The following MEF2C variants were observed in gnomAD, a reference collection of about 807,000 sequenced individuals.
MEF2C encodes myocyte-specific enhancer factor 2C.
MEF2C carries 6 observed loss-of-function variants against 50.5 expected under a neutral mutation model. The observed-to-expected ratio is 0.12, with a 90% CI of 0.07 to 0.23. The LOEUF is 0.23. Ranked by LOEUF, MEF2C falls within the 10% of genes least tolerant of loss-of-function variation. MEF2C has a pLI of 1.00. For synonymous variants in MEF2C, 183 were observed against 228.0 expected (o/e 0.80, Z 1.78); for missense variants, 276 against 605.0 (o/e 0.46, Z 5.70).
At chr5:88,761,413 G>A (rs898231409) in intron 3 of MEF2C, 85 bp from the exon 4 acceptor site, 26 of 1,457,374 alleles carry the variant, frequency 1.8e-5, no homozygotes, top group Non-Finnish European at 2.3e-5. Flanking sequence ...AAGCTGTCCA[G>A]TATTTCAGGT....
intron 5 of MEF2C, chr5:88,751,276 A>G: frequency 7.1e-6 from 7 of 985,456 alleles, no homozygotes; most frequent in Non-Finnish European, 7.2e-6. Context: ...GCAGAGACAA[A>G]TTTGTGGCAG....
intron 1 of MEF2C, among the ~76,000 whole-genome samples, chr5:88,889,919 C>T (rs1582011901): frequency 1.3e-5 from 2 of 152,172 alleles, no homozygotes; most frequent in Admixed American, 1.3e-4. Context: ...AAAGCGCTGG[C>T]ACACGGTCCA....
At chr5:88,788,502 G>A (rs1580721245) in intron 3 of MEF2C, among the ~76,000 whole-genome samples, 1 of 151,752 alleles carries the variant, frequency 6.6e-6, no homozygotes, top group African/African-American at 2.4e-5. Context: ...GAGCCACCTC[G>A]GCCAGCCCAT....
At chr5:88,829,397 G>A (rs371130043) in intron 1 of MEF2C, among the ~76,000 whole-genome samples, 2 of 151,876 alleles carry the variant, frequency 1.3e-5, no homozygotes, top group East Asian at 1.9e-4. Context: ...TGCAGCACTC[G>A]CAGCAATTGA....
In MEF2C at chr5:88,722,583, A is replaced by G; in HGVS notation, c.*21T>C. ...ACACACACTGCAAGAAAAAAAAAAA[A>G]ACTAGTAAGTAATAATCTGATCATG... On this transcript the variant is annotated 3_prime_UTR_variant, in exon 11 of 11. Transcript: ENST00000504921. 1 of 1,582,576 alleles carries G rather than the reference A, an allele frequency of 6.3e-7. No individual in the cohort carries two copies. Among genetic ancestry groups the G allele is most frequent in the South Asian group, 1.1e-5 (1 of 88,162 alleles).
In MEF2C at chr5:88,717,336, C is replaced by A. The variant is rs548703340; in HGVS notation, c.*5268G>T. On this transcript the variant is annotated 3_prime_UTR_variant, in exon 11 of 11. Coordinates refer to ENST00000504921, the MANE Select transcript of MEF2C (RefSeq NM_002397.5). ...GATGAGGAAGTGTCCATGCTCTGAG[C>A]CTCTGGTCTGCTCTGCCCCAGGATG... is the stretch of plus-strand genomic sequence containing the variant. 1 of 152,320 alleles carries A rather than the reference C, an allele frequency of 6.6e-6. No individual in the cohort carries two copies. The highest frequency in any genetic ancestry group is 2.4e-5 in the African/African-American group (1 of 41,546). The allele number at this position is 152,320 out of a possible 1,614,324, so 9.4% of individuals were successfully genotyped here.
intron 1 of MEF2C, among the ~76,000 whole-genome samples, chr5:88,845,420 A>G (rs1252563956): frequency 6.6e-6 from 1 of 152,228 alleles, no homozygotes; most frequent in African/African-American, 2.4e-5. Flanking sequence ...GTGCTTTTTA[A>G]TAAGCCAAAC....
chr5:88,753,107 T>C (rs1199302561), intron 4 of MEF2C, among the ~76,000 whole-genome samples: 2 of 152,208 alleles, frequency 1.3e-5, no homozygotes, highest in Non-Finnish European at 2.9e-5. Flanking sequence ...TCCCATTTTG[T>C]TTTTACTATT....
intron 6 of MEF2C, chr5:88,739,890 A>G (rs959473229): frequency 1.0e-6 from 1 of 985,328 alleles, no homozygotes; most frequent in Non-Finnish European, 1.2e-6. Flanking sequence ...TTATCTTGCT[A>G]AAGACTCCTA....
intron 3 of MEF2C, chr5:88,780,663 A>G (rs1483169627): frequency 2.7e-6 from 2 of 740,366 alleles, no homozygotes; most frequent in Non-Finnish European, 3.3e-6. Flanking sequence ...GAAGCAATGC[A>G]CAACATATAT....
intron 1 of MEF2C, among the ~76,000 whole-genome samples, chr5:88,872,533 A>C (rs1829830243): frequency 6.6e-6 from 1 of 152,070 alleles, no homozygotes; most frequent in Non-Finnish European, 1.5e-5. Flanking sequence ...TGAAAGTATT[A>C]TTGAAAAATA....
At chr5:88,762,230 A>T (rs768222203) in intron 3 of MEF2C, among the ~76,000 whole-genome samples, 1 of 152,176 alleles carries the variant, frequency 6.6e-6, no homozygotes, top group Non-Finnish European at 1.5e-5. Context: ...AATAAATACT[A>T]ATGTAACATT....
chr5:88,806,685 C>T lies in MEF2C; in HGVS notation c.55-1884G>A, dbSNP rs1800578667. Among the ~76,000 whole-genome samples the T allele has an allele frequency of 2.0e-5, 3 of 152,118 alleles. No homozygotes were observed. In the South Asian group the frequency reaches 6.2e-4, roughly 32 times the overall value. On this transcript the variant is annotated intron_variant, in intron 2 of 10. Transcript: ENST00000504921. ...TTATTTTTCCTTCATGTTACAATCACATTTTATATTTTCAAATATACAAAA... is the reference window on the plus strand; with the variant it reads ...TTATTTTTCCTTCATGTTACAATCATATTTTATATTTTCAAATATACAAAA...
In MEF2C at chr5:88,722,712, A is replaced by T; in HGVS notation, c.1314T>A (p.Asp438Glu). 6.2e-7 allele frequency: 1 copy of T among 1,613,678 alleles called. No individual in the cohort carries two copies. Among genetic ancestry groups the T allele is most frequent in the Non-Finnish European group, 8.5e-7 (1 of 1,179,820 alleles). The change falls in exon 11 of 11, where the codon GAT becomes GAA. Residue 438 changes from aspartate (D) to glutamate (E), a missense_variant. By Grantham distance (45) the Asp-to-Glu change is conservative. This residue lies in a region of MEF2C where 256 missense variants were observed against 468.1 expected (regional missense o/e 0.55). Transcript: ENST00000504921. Reference sequence around the variant, plus strand: ...TGGGGGAGTGGAATTCGTTCCGGTGATCCTCTCGGTCGCTCCCGTCGTACG... The same window carrying T: ...TGGGGGAGTGGAATTCGTTCCGGTGTTCCTCTCGGTCGCTCCCGTCGTACG... ...SSSYDGSDRE[D>E]HRNEFHSPIG...
chr5:88,793,784 T>G (rs1014771036), intron 3 of MEF2C, among the ~76,000 whole-genome samples: 1 of 152,098 alleles, frequency 6.6e-6, no homozygotes, highest in Non-Finnish European at 1.5e-5. Context: ...CCTAATGCTA[T>G]CCCTCCCCTA....
chr5:88,784,536 G>T (rs748470885), intron 3 of MEF2C, among the ~76,000 whole-genome samples: 5 of 152,068 alleles, frequency 3.3e-5, no homozygotes, highest in Non-Finnish European at 5.9e-5. Flanking sequence ...CTGTATGATA[G>T]CCTAGCATAG....
chr5:88,752,247 TA>T (rs1287682030), intron 4 of MEF2C, among the ~76,000 whole-genome samples: 1 of 152,244 alleles, frequency 6.6e-6, no homozygotes, highest in African/African-American at 2.4e-5. Flanking sequence ...TTGCAACCAT[TA>T]AAAAATGTTT....
chr5:88,885,668 A>G (rs1561488014), upstream of MEF2C, among the ~76,000 whole-genome samples: 1 of 152,218 alleles, frequency 6.6e-6, no homozygotes, highest in Non-Finnish European at 1.5e-5. Context: ...ATGTCTATAT[A>G]TGGTGGTAAA....
intron 3 of MEF2C, among the ~76,000 whole-genome samples, chr5:88,787,495 G>A (rs1791544163): frequency 6.6e-6 from 1 of 152,180 alleles, no homozygotes; most frequent in Admixed American, 6.5e-5. Flanking sequence ...CCCTCCGTTA[G>A]AGAATGAGAG....
Sources: allele counts gnomAD v4.1 joint callset (sites outside exome capture counted in the v4.1 genomes callset), GRCh38; gene constraint gnomAD v4.1.1; regional missense constraint gnomAD v4.1.1; transcripts MANE v1.5; gene names NCBI Gene and HGNC (gene_info 2026-07-23, HGNC 2026-07-21).